GRIK1: variants seen among roughly 807,000 people sequenced by gnomAD.
The protein encoded by GRIK1 is glutamate ionotropic receptor kainate type subunit 1, also known as glutamate receptor ionotropic, kainate 1.
GRIK1 carries 69 observed loss-of-function variants against 105.7 expected under a neutral mutation model. The ratio of observed to expected loss-of-function variants is 0.65; its 90% CI spans 0.54 to 0.80. The LOEUF is 0.80. Among genes scored for constraint, GRIK1 ranks in the 30% least tolerant of loss-of-function variants. The pLI, the probability that GRIK1 is intolerant of heterozygous loss-of-function variation, is 0.00. For missense variants in GRIK1, 1,109 were observed against 1,167.3 expected (o/e 0.95, Z 0.73); for synonymous variants, 438 against 431.3 (o/e 1.02, Z -0.19).
intron 4 of GRIK1, among the ~76,000 whole-genome samples, chr21:29,655,135 G>T (rs111569672): frequency 0.048 from 7,349 of 152,298 alleles, 270 homozygotes; most frequent in Non-Finnish European, 0.073. Flanking sequence ...TGGGCCAGGT[G>T]CAGTGGCACA....
At chr21:29,927,056 C>T (rs1427981296) in intron 1 of GRIK1, among the ~76,000 whole-genome samples, 1 of 152,104 alleles carries the variant, frequency 6.6e-6, no homozygotes, top group African/African-American at 2.4e-5. Flanking sequence ...CTCAGAACAT[C>T]CTAAAAGCAT....
chr21:29,911,202 A>G (rs1022235014), intron 1 of GRIK1, among the ~76,000 whole-genome samples: 1 of 152,122 alleles, frequency 6.6e-6, no homozygotes. Context: ...TAACTTGCCC[A>G]AATTCAAAAA....
At chr21:29,901,916 C>CA (rs199879090) in intron 1 of GRIK1, among the ~76,000 whole-genome samples, 35,584 of 151,922 alleles carry the variant, frequency 0.23, 4,977 homozygotes, top group African/African-American at 0.39. Context: ...ACTGGCAAAC[C>CA]AATCCAGCAG....
intron 7 of GRIK1, among the ~76,000 whole-genome samples, chr21:29,607,973 C>T (rs539098561): frequency 1.8e-4 from 28 of 152,184 alleles, no homozygotes; most frequent in African/African-American, 6.7e-4. Flanking sequence ...CGTTTCAGAT[C>T]GTGAGCTAAT....
intron 1 of GRIK1, among the ~76,000 whole-genome samples, chr21:29,766,167 C>T (rs112004701): frequency 0.016 from 2,378 of 152,146 alleles, 65 homozygotes; most frequent in African/African-American, 0.055. Flanking sequence ...CTTCTTTAGA[C>T]AACTCAGTAT....
intron 1 of GRIK1, among the ~76,000 whole-genome samples, chr21:29,918,028 G>T (rs2146314909): frequency 6.6e-6 from 1 of 151,952 alleles, no homozygotes; most frequent in South Asian, 2.1e-4. Flanking sequence ...TAGATGAGTG[G>T]ATAAATAGAT....
intron 1 of GRIK1, among the ~76,000 whole-genome samples, chr21:29,734,416 C>A (rs991755471): frequency 2.6e-4 from 7 of 27,248 alleles, no homozygotes; most frequent in African/African-American, 6.2e-4. Context: ...CTTTTCTTTT[C>A]TTTTCTTTTT....
chr21:29,850,391 C>T (rs563362612), intron 1 of GRIK1, among the ~76,000 whole-genome samples: 1 of 152,118 alleles, frequency 6.6e-6, no homozygotes, highest in South Asian at 2.1e-4. Context: ...TGGGTGTTAT[C>T]CATTTCTAAG....
chr21:29,837,427 A>G (rs2067838240), intron 1 of GRIK1, among the ~76,000 whole-genome samples: 1 of 152,206 alleles, frequency 6.6e-6, no homozygotes, highest in African/African-American at 2.4e-5. Context: ...CTAGATATTT[A>G]TAACTCATTG....
chr21:29,591,039 C>G, intron 10 of GRIK1, 73 bp downstream of exon 10: 1 of 838,294 alleles, frequency 1.2e-6, no homozygotes, highest in Non-Finnish European at 2.1e-6. Context: ...ATGAAAAAGA[C>G]AGTTGAGGAA....
At chr21:29,895,693 T>TA (rs2070119768) in intron 1 of GRIK1, among the ~76,000 whole-genome samples, 1 of 152,334 alleles carries the variant, frequency 6.6e-6, no homozygotes, top group African/African-American at 2.4e-5. Flanking sequence ...GGTCTTCATA[T>TA]TGGTCTTCCT....
At chr21:29,826,812 A>G (rs2067472620) in intron 1 of GRIK1, among the ~76,000 whole-genome samples, 1 of 152,108 alleles carries the variant, frequency 6.6e-6, no homozygotes, top group South Asian at 2.1e-4. Context: ...TCAGGGATAG[A>G]GGGACTTAAA....
In GRIK1 at chr21:29,822,511, T is replaced by C. The variant is rs372259408; in HGVS notation, c.118+116872A>G. On this transcript the variant is annotated intron_variant, in intron 1 of 17. Transcript: ENST00000327783. ...TAGATGGACTTATGACTGCTCAGAA[T>C]AGACGGCCCCTCATCCACAACCCCT... Among the ~76,000 whole-genome samples the C allele has an allele frequency of 1.1e-4, 17 of 152,170 alleles. No homozygotes were observed. In the East Asian group the frequency reaches 2.1e-3, roughly 19 times the overall value.
At position 29,888,198 on chromosome 21, in the gene GRIK1, T is replaced by TTTTTCTTTCTTTCTTTCTTTCTTTCTTC. The variant is rs1555905563; in HGVS notation, c.118+51184_118+51185insGAAGAAAGAAAGAAAGAAAGAAAGAAAA. On this transcript the variant is annotated intron_variant, in intron 1 of 17. Coordinates refer to ENST00000327783, the MANE Select transcript of GRIK1 (RefSeq NM_001330994.2). ...CTTTCTTTCTTCCTTTCTTTCTTTC[T>TTTTTCTTTCTTTCTTTCTTTCTTTCTTC]CTCTCTCTCTCTCTCTCTCTCTCTC... Among the ~76,000 whole-genome samples the TTTTTCTTTCTTTCTTTCTTTCTTTCTTC allele has an allele frequency of 5.2e-5, 2 of 38,236 alleles. 1 individual carries two copies. Among genetic ancestry groups the TTTTTCTTTCTTTCTTTCTTTCTTTCTTC allele is most frequent in the Non-Finnish European group, 1.2e-4 (2 of 16,216 alleles). The allele number at this position is 38,236 out of a possible 152,430, so 25.1% of individuals were successfully genotyped here. A position where few individuals can be genotyped will look rare whatever the true frequency, so the allele number is the denominator to read the frequency against.
intron 1 of GRIK1, among the ~76,000 whole-genome samples, chr21:29,804,765 T>C (rs149713780): frequency 6.6e-6 from 1 of 152,324 alleles, no homozygotes; most frequent in African/African-American, 2.4e-5. Flanking sequence ...CCAGTTTGTG[T>C]GTGTAAAAAG....
chr21:29,824,515 C>T (rs2067393529), intron 1 of GRIK1, among the ~76,000 whole-genome samples: 1 of 151,906 alleles, frequency 6.6e-6, no homozygotes, highest in Non-Finnish European at 1.5e-5. Flanking sequence ...CAAGGAGGTG[C>T]TTTTTAGACA....
chr21:29,581,885 T>A (rs2091030840), intron 12 of GRIK1, among the ~76,000 whole-genome samples: 1 of 152,130 alleles, frequency 6.6e-6, no homozygotes, highest in South Asian at 2.1e-4. Context: ...TCCCAAGTAT[T>A]TACCCCACCA....
intron 1 of GRIK1, among the ~76,000 whole-genome samples, chr21:29,888,197 C>CTTCCTT (rs59241719): frequency 1.3e-4 from 3 of 22,308 alleles, no homozygotes; most frequent in South Asian, 1.7e-3. Flanking sequence ...TTCTTTCTTT[C>CTTCCTT]TCTCTCTCTC....
chr21:29,587,991 G>A (rs202239998), intron 11 of GRIK1, among the ~76,000 whole-genome samples: 2 of 6,532 alleles, frequency 3.1e-4, no homozygotes, highest in East Asian at 0.014. Context: ...TTTTTTTTTT[G>A]TGAGGCGGAG....
Sources: gnomAD v4.1 joint callset for allele counts (sites outside exome capture counted in the v4.1 genomes callset) on GRCh38, gnomAD v4.1.1 for gene constraint, MANE v1.5 for transcripts, NCBI Gene and HGNC (gene_info 2026-07-23, HGNC 2026-07-21) for gene names.